Variants in FHIP1A observed in about 807,000 individuals in gnomAD.
FHIP1A encodes the protein FHF complex subunit HOOK-interacting protein 1A.
In FHIP1A, 61 loss-of-function variants were observed where a neutral mutation model predicts 88.6. The observed-to-expected ratio is 0.69, with a 90% CI of 0.56 to 0.85. The LOEUF (loss-of-function observed/expected upper bound fraction) is 0.85. Ranked by LOEUF, FHIP1A falls within the 40% of genes least tolerant of loss-of-function variation. The probability of loss-of-function intolerance (pLI) is 0.00; values close to 1 mark genes in which losing one functional copy is unlikely to be tolerated. For missense variants in FHIP1A, 1,154 were observed against 1,273.5 expected (o/e 0.91, Z 1.43); for synonymous variants, 478 against 496.0 (o/e 0.96, Z 0.48).
intron 13 of FHIP1A, among the ~76,000 whole-genome samples, chr4:151,660,905 AT>A: frequency 6.6e-6 from 1 of 152,222 alleles, no homozygotes; most frequent in East Asian, 1.9e-4. Context: ...AACTCTATGA[AT>A]AGCTTTTGGC....
chr4:151,569,680 A>G (rs1262036422), intron 4 of FHIP1A, among the ~76,000 whole-genome samples: 1 of 152,246 alleles, frequency 6.6e-6, no homozygotes, highest in African/African-American at 2.4e-5. Flanking sequence ...GCTATTTGTT[A>G]ATAGCCTCTT....
At chr4:151,535,058 T>TA (rs1296861994) in intron 3 of FHIP1A, among the ~76,000 whole-genome samples, 1 of 151,612 alleles carries the variant, frequency 6.6e-6, no homozygotes, top group South Asian at 2.1e-4. Context: ...CTACAAAAAG[T>TA]AAAAAAATCA....
chr4:151,628,315 T>G (rs1266350379), intron 7 of FHIP1A, among the ~76,000 whole-genome samples: 1 of 152,208 alleles, frequency 6.6e-6, no homozygotes, highest in Non-Finnish European at 1.5e-5. Flanking sequence ...GGTAATATCT[T>G]ATCCACCTGG....
chr4:151,526,667 C>G (rs1419959374), intron 3 of FHIP1A, among the ~76,000 whole-genome samples: 3 of 150,924 alleles, frequency 2.0e-5, no homozygotes, highest in African/African-American at 7.3e-5. Flanking sequence ...GGGGGCTGAC[C>G]CCCCCTCCTC....
intron 1 of FHIP1A, among the ~76,000 whole-genome samples, chr4:151,433,776 C>G (rs552947356): frequency 2.0e-5 from 3 of 152,130 alleles, no homozygotes; most frequent in Non-Finnish European, 4.4e-5. Context: ...TCAAACTACA[C>G]TATTAGACTC....
chr4:151,413,244 A>G (rs904908638), intron 1 of FHIP1A, among the ~76,000 whole-genome samples: 1 of 152,176 alleles, frequency 6.6e-6, no homozygotes, highest in East Asian at 1.9e-4. Context: ...AATGTCTAAA[A>G]TTGAAAAACT....
chr4:151,520,965 G>T (rs1205090494), intron 3 of FHIP1A, among the ~76,000 whole-genome samples: 7 of 152,132 alleles, frequency 4.6e-5, no homozygotes, highest in Non-Finnish European at 1.0e-4. Context: ...TCAGATATTT[G>T]ACCGATTGTT....
At chr4:151,595,443 C>T (rs1734609733) in intron 7 of FHIP1A, among the ~76,000 whole-genome samples, 1 of 152,036 alleles carries the variant, frequency 6.6e-6, no homozygotes, top group Non-Finnish European at 1.5e-5. Context: ...GTTTTACTTC[C>T]AATTGTGTGG....
At chr4:151,422,956 G>T (rs1188245167) in intron 1 of FHIP1A, among the ~76,000 whole-genome samples, 2 of 152,104 alleles carry the variant, frequency 1.3e-5, no homozygotes, top group African/African-American at 4.8e-5. Context: ...ATATGAAGAG[G>T]GAATCATTTT....
intron 3 of FHIP1A, among the ~76,000 whole-genome samples, chr4:151,491,203 A>T (rs1248562814): frequency 6.6e-6 from 1 of 152,224 alleles, no homozygotes; most frequent in Admixed American, 6.5e-5. Context: ...GGTTATCTAA[A>T]GTCAAGACAA....
At chr4:151,602,063 C>T (rs1734893770) in intron 7 of FHIP1A, among the ~76,000 whole-genome samples, 1 of 151,970 alleles carries the variant, frequency 6.6e-6, no homozygotes, top group African/African-American at 2.4e-5. Flanking sequence ...AAGACCCGCC[C>T]CCATGATTCA....
At position 151,577,836 on chromosome 4, in the gene FHIP1A, C is replaced by T. The variant is rs1019532849; in HGVS notation, c.492C>T (p.Val164=). 1.3e-6 allele frequency: 2 copies of T among 1,551,968 alleles called. No individual in the cohort carries two copies. Among genetic ancestry groups the T allele is most frequent in the Non-Finnish European group, 8.7e-7 (1 of 1,147,044 alleles). The change falls in exon 5 of 14, where the codon GTC becomes GTT. Residue 164 remains valine (V), a synonymous_variant. Coordinates refer to ENST00000435205, the MANE Select transcript of FHIP1A (RefSeq NM_001109977.3). ...CCACTGTGGAGGAGAAGCTGGTTGT[C>T]CTACTCAATCAGCTCTGTTCCATTC... The part of the protein sequence containing the change: ...TTPTVEEKLV[V]LLNQLCSILA...
intron 3 of FHIP1A, among the ~76,000 whole-genome samples, chr4:151,565,416 C>T (rs1295763446): frequency 6.6e-6 from 1 of 152,122 alleles, no homozygotes; most frequent in Non-Finnish European, 1.5e-5. Context: ...CTTGCACTCA[C>T]ACCTAATAAA....
intron 7 of FHIP1A, among the ~76,000 whole-genome samples, chr4:151,597,656 C>T (rs948292334): frequency 2.0e-5 from 3 of 152,174 alleles, no homozygotes; most frequent in Admixed American, 6.5e-5. Flanking sequence ...GGTGCTCTTT[C>T]CCAGGGAGAT....
chr4:151,417,707 C>A (rs1732947795), intron 1 of FHIP1A, among the ~76,000 whole-genome samples: 1 of 152,160 alleles, frequency 6.6e-6, no homozygotes, highest in Non-Finnish European at 1.5e-5. Context: ...AGTAGGATTA[C>A]AGGTGTGAAC....
intron 3 of FHIP1A, among the ~76,000 whole-genome samples, chr4:151,507,004 T>C (rs143520332): frequency 6.6e-6 from 1 of 152,298 alleles, no homozygotes; most frequent in African/African-American, 2.4e-5. Flanking sequence ...AAAATGAGAC[T>C]TCCATAATCT....
chr4:151,493,112 C>T (rs1730343176), intron 3 of FHIP1A, among the ~76,000 whole-genome samples: 1 of 152,020 alleles, frequency 6.6e-6, no homozygotes, highest in Admixed American at 6.6e-5. Context: ...AGAGAAGATG[C>T]AAATAAGCTT....
At chr4:151,633,834 C>T (rs78838790) in intron 8 of FHIP1A, among the ~76,000 whole-genome samples, 3,856 of 151,912 alleles carry the variant, frequency 0.025, 72 homozygotes, top group Middle Eastern at 0.092. Flanking sequence ...ATGAAAAGCC[C>T]GCAGCTAACA....
intron 3 of FHIP1A, among the ~76,000 whole-genome samples, chr4:151,528,832 T>C (rs113457199): frequency 5.9e-4 from 89 of 152,072 alleles, no homozygotes; most frequent in African/African-American, 1.7e-3. Context: ...AATAATATTT[T>C]CCCCCCCTTC....
Sources: gnomAD v4.1 joint callset for allele counts (sites outside exome capture counted in the v4.1 genomes callset) on GRCh38, gnomAD v4.1.1 for gene constraint, MANE v1.5 for transcripts, NCBI Gene and HGNC (gene_info 2026-07-23, HGNC 2026-07-21) for gene names.